Variants in KIF13A observed in about 807,000 individuals in gnomAD.
KIF13A encodes the protein kinesin family member 13A, also known as kinesin-like protein KIF13A.
Under a neutral mutation model 212.2 loss-of-function variants are expected in KIF13A, and 79 were observed. The observed-to-expected ratio is 0.37, with a 90% CI of 0.31 to 0.45. The LOEUF (loss-of-function observed/expected upper bound fraction) is 0.45, where lower values mean the gene tolerates loss of function less well. KIF13A is among the 20% of genes least tolerant of loss of function. KIF13A has a pLI of 1.00. For missense variants in KIF13A, 1,901 were observed against 2,209.0 expected (o/e 0.86, Z 2.79); for synonymous variants, 789 against 808.6 (o/e 0.98, Z 0.41).
At chr6:17,949,950 C>T (rs1374170073) in intron 2 of KIF13A, among the ~76,000 whole-genome samples, 1 of 152,108 alleles carries the variant, frequency 6.6e-6, no homozygotes, top group Non-Finnish European at 1.5e-5. Context: ...ATATTTCCTA[C>T]AAAATGCAGT....
In KIF13A at chr6:17,836,943, C is replaced by T. The variant is rs368453026; in HGVS notation, c.1090G>A (p.Ala364Thr). ...NHAVVNEDPNAKVIRELREEV... is the reference protein window; with the variant it reads ...NHAVVNEDPNTKVIRELREEV... ...TCCCGCAGTTCTCGGATCACTTTTG[C>T]GTTGGGGTCCTCATTCACAACAGCA... Residue 364 changes from alanine to threonine, a missense_variant, in exon 11 of 39, where the codon GCA becomes ACA. By Grantham distance (58) the Ala-to-Thr change is moderately conservative. Coordinates refer to ENST00000259711, the MANE Select transcript of KIF13A (RefSeq NM_022113.6). The T allele has an allele frequency of 9.9e-6, 16 of 1,613,912 alleles. No homozygotes were observed. Among genetic ancestry groups the T allele is most frequent in the Admixed American group, 1.7e-5 (1 of 60,004 alleles).
intron 11 of KIF13A, among the ~76,000 whole-genome samples, chr6:17,836,306 C>A (rs1319406713): frequency 2.6e-5 from 4 of 152,098 alleles, no homozygotes; most frequent in African/African-American, 4.8e-5. Context: ...ATTGCAAGGC[C>A]CTGTGGAAAT....
rs766432637 is a variant in KIF13A at position 17,826,026 on chromosome 6, C to A, written c.1619+12G>T. 26 of 1,613,066 alleles carry A rather than the reference C, an allele frequency of 1.6e-5. No individual in the cohort carries two copies. In the East Asian group the frequency reaches 5.8e-4, roughly 36 times the overall value. ...GTATACGAAAATATATTACAGAACA[C>A]AAAGATGTTACCTAAAAAAGTGATT... On this transcript the variant is annotated intron_variant, in intron 15 of 38. Transcript: ENST00000259711. This position sits in a 1 kb window ranked among gnomAD's most constrained non-coding sequence, Gnocchi z 4.7.
At chr6:17,832,151 C>T (rs930538565) in intron 12 of KIF13A, among the ~76,000 whole-genome samples, 1 of 151,926 alleles carries the variant, frequency 6.6e-6, no homozygotes. Flanking sequence ...TGTTAAGCTA[C>T]GTGATTGGGA....
intron 3 of KIF13A, among the ~76,000 whole-genome samples, chr6:17,878,305 T>C (rs1365074315): frequency 1.3e-5 from 2 of 152,254 alleles, no homozygotes; most frequent in African/African-American, 2.4e-5. Context: ...GTTCAAGGAC[T>C]GTGTTTTGAA....
rs141348231 is a variant in KIF13A, at chr6:17,831,313, T to C, written c.1267-78A>G. On this transcript the variant is annotated intron_variant, in intron 12 of 38. Transcript: ENST00000259711. ...AAGATGTATCCACGGAAAGAGTAAG[T>C]CACTGTTTCTGGGGACAATGCCAAT... 275 of 1,514,574 alleles carry C rather than the reference T, an allele frequency of 1.8e-4. 2 individuals are homozygous for C. The South Asian group carries it at 3.1e-3, about 17-fold the overall frequency. The allele number at this position is 1,514,574 out of a possible 1,614,324, so 93.8% of individuals were successfully genotyped here.
intron 2 of KIF13A, among the ~76,000 whole-genome samples, chr6:17,964,649 A>G (rs1779136532): frequency 1.3e-5 from 2 of 152,198 alleles, no homozygotes; most frequent in African/African-American, 2.4e-5. Context: ...TCTCGAAGAG[A>G]AAGACAGAAG....
chr6:17,969,917 C>A (rs970437098), intron 2 of KIF13A, among the ~76,000 whole-genome samples: 2 of 149,256 alleles, frequency 1.3e-5, no homozygotes, highest in African/African-American at 4.9e-5. Flanking sequence ...TGTGTATTTA[C>A]TTGTGTTTTC....
In KIF13A at chr6:17,914,716, A is replaced by G. The variant is rs1365942933; in HGVS notation, c.147-16536T>C. Reference sequence around the variant, plus strand: ...TAGGGTGTTCTCCAGGCCACCTCACAGAGCTCCTGCTGCTAATTGCCATGG... The same window carrying G: ...TAGGGTGTTCTCCAGGCCACCTCACGGAGCTCCTGCTGCTAATTGCCATGG... On this transcript the variant is annotated intron_variant, in intron 2 of 38. Coordinates refer to ENST00000259711, the MANE Select transcript of KIF13A (RefSeq NM_022113.6). This position sits in a 1 kb window ranked among gnomAD's most constrained non-coding sequence, Gnocchi z 5.9. Among the ~76,000 whole-genome samples, 1 of 152,224 alleles carries G rather than the reference A, an allele frequency of 6.6e-6. No homozygotes were observed. Among genetic ancestry groups the G allele is most frequent in the East Asian group, 1.9e-4 (1 of 5,194 alleles).
At position 17,787,260 on chromosome 6, in the gene KIF13A, T is replaced by A. The variant is rs1196812224; in HGVS notation, c.3361+516A>T. On this transcript the variant is annotated intron_variant, in intron 27 of 38. Transcript: ENST00000259711. This position sits in a 1 kb window ranked among gnomAD's most constrained non-coding sequence, Gnocchi z 4.6. ...TAATGTCACAGTTTTATGAGATAAT[T>A]CTGAGTTTTATGAAAACTTACTACT... Among the ~76,000 whole-genome samples the A allele has an allele frequency of 1.3e-5, 2 of 152,236 alleles. No individual in the cohort carries two copies. The highest frequency in any genetic ancestry group is 2.9e-5 in the Non-Finnish European group (2 of 68,042).
chr6:17,806,831 A>G (rs1323881193), intron 18 of KIF13A, among the ~76,000 whole-genome samples: 1 of 152,196 alleles, frequency 6.6e-6, no homozygotes, highest in African/African-American at 2.4e-5. Context: ...GTGAGCCAAG[A>G]TCATGTCATT....
Position 17,779,740 on chromosome 6 carries a change from GTA to G in KIF13A, c.3847-58_3847-57del, listed in dbSNP as rs754699512. The G allele has an allele frequency of 4.4e-3, 2,109 of 477,916 alleles. 223 individuals are homozygous for G. Among genetic ancestry groups the G allele is most frequent in the East Asian group, 0.012 (171 of 13,908 alleles). The allele number at this position is 477,916 out of a possible 1,614,324, so 29.6% of individuals were successfully genotyped here. ...CTATGTGACAAATGTAAGTTATTTT[GTA>G]TTTTTTTTTTTTTTTTTGAGATGGA... is the stretch of plus-strand genomic sequence containing the variant. On this transcript the variant is annotated intron_variant, in intron 31 of 38. Coordinates refer to ENST00000259711, the MANE Select transcript of KIF13A (RefSeq NM_022113.6).
intron 3 of KIF13A, among the ~76,000 whole-genome samples, chr6:17,878,785 G>A (rs536961072): frequency 6.6e-6 from 1 of 152,142 alleles, no homozygotes; most frequent in Non-Finnish European, 1.5e-5. Flanking sequence ...AAAAGGGCAC[G>A]AGACCATTTT....
rs889095106 is a variant in KIF13A at position 17,912,700 on chromosome 6, T to C, written c.147-14520A>G. Reference sequence around the variant, plus strand: ...TTAAAACTATCTTACAGTAAGTCTATTGATGGCTGGAAGAAGGGATCACAT... The same window carrying C: ...TTAAAACTATCTTACAGTAAGTCTACTGATGGCTGGAAGAAGGGATCACAT... On this transcript the variant is annotated intron_variant, in intron 2 of 38. Coordinates refer to ENST00000259711, the MANE Select transcript of KIF13A (RefSeq NM_022113.6). This position sits in a 1 kb window ranked among gnomAD's most constrained non-coding sequence, Gnocchi z 4.2. Among the ~76,000 whole-genome samples the C allele has an allele frequency of 1.3e-5, 2 of 152,320 alleles. No individual in the cohort carries two copies. The highest frequency in any genetic ancestry group is 2.1e-4 in the South Asian group (1 of 4,830).
At chr6:17,791,808 G>T (rs1761583041) in intron 25 of KIF13A, among the ~76,000 whole-genome samples, 1 of 149,774 alleles carries the variant, frequency 6.7e-6, no homozygotes, top group African/African-American at 2.5e-5. Flanking sequence ...GCTGAGGCAA[G>T]AGAATCACTT....
rs374385966 is a variant in KIF13A at position 17,925,928 on chromosome 6, TATAA to T, written c.147-27752_147-27749del. 6.4e-4 allele frequency among the ~76,000 whole-genome samples: 97 copies of T among 152,266 alleles called. 1 individual carries two copies. Among genetic ancestry groups the T allele is most frequent in the East Asian group, 3.5e-3 (18 of 5,180 alleles). ...ATCAGAAGGAAAATTTAGTTAGCAGTATAAATAGCTACAATTACTAAATATGTCA... is the reference window on the plus strand; with the variant it reads ...ATCAGAAGGAAAATTTAGTTAGCAGTATAGCTACAATTACTAAATATGTCA... On this transcript the variant is annotated intron_variant, in intron 2 of 38. Transcript: ENST00000259711.
Position 17,919,981 on chromosome 6 carries a change from T to C in KIF13A, c.147-21801A>G, listed in dbSNP as rs952804053. On this transcript the variant is annotated intron_variant, in intron 2 of 38. Transcript: ENST00000259711. The surrounding 1 kb of genome is among the most constrained non-coding windows in gnomAD (Gnocchi z 4.1). ...AGCAGCAGGTTGAGTTAGAAGAAAA[T>C]TTTTTGTTGGATTAGGATTTATTTT... is the stretch of plus-strand genomic sequence containing the variant. Among the ~76,000 whole-genome samples, 54 of 152,220 alleles carry C rather than the reference T, an allele frequency of 3.5e-4. No homozygotes were observed. Among genetic ancestry groups the C allele is most frequent in the African/African-American group, 1.3e-3 (52 of 41,524 alleles).
intron 2 of KIF13A, among the ~76,000 whole-genome samples, chr6:17,965,656 A>G (rs1192732282): frequency 6.6e-6 from 1 of 152,240 alleles, no homozygotes; most frequent in Non-Finnish European, 1.5e-5. Context: ...CAATAAAGAT[A>G]TGTGTGATGT....
At chr6:17,905,732 G>C (rs1041508564) in intron 2 of KIF13A, among the ~76,000 whole-genome samples, 1 of 152,146 alleles carries the variant, frequency 6.6e-6, no homozygotes, top group African/African-American at 2.4e-5. Flanking sequence ...CCCAATAGGG[G>C]GAATCATCTG....
Sources: gnomAD v4.1 joint callset for allele counts (sites outside exome capture counted in the v4.1 genomes callset) on GRCh38, gnomAD v4.1.1 for gene constraint, Gnocchi (gnomAD v3.1) non-coding constraint, MANE v1.5 for transcripts, NCBI Gene and HGNC (gene_info 2026-07-23, HGNC 2026-07-21) for gene names.